Variants in SLX4IP observed in about 807,000 individuals in gnomAD.
SLX4IP encodes SLX4 interacting protein, also known as protein SLX4IP.
SLX4IP carries 34 observed loss-of-function variants against 32.9 expected under a neutral mutation model. The observed-to-expected ratio is 1.03, with a 90% CI of 0.79 to 1.38. The LOEUF (loss-of-function observed/expected upper bound fraction) is 1.38, where lower values mean the gene tolerates loss of function less well. SLX4IP is among the 40% of genes most tolerant of loss of function. The probability of loss-of-function intolerance (pLI) is 0.00; values close to 1 mark genes in which losing one functional copy is unlikely to be tolerated. For missense variants in SLX4IP, 444 were observed against 479.0 expected (o/e 0.93, Z 0.68); for synonymous variants, 172 against 171.7 (o/e 1.00, Z -0.01).
intron 4 of SLX4IP, among the ~76,000 whole-genome samples, chr20:10,597,251 A>T (rs1338686075): frequency 6.6e-6 from 1 of 152,234 alleles, no homozygotes; most frequent in Non-Finnish European, 1.5e-5. Context: ...TGGCCACTCC[A>T]GTTTGACAGA....
At chr20:10,565,763 A>G (rs947017753) in intron 4 of SLX4IP, among the ~76,000 whole-genome samples, 5 of 152,178 alleles carry the variant, frequency 3.3e-5, no homozygotes, top group African/African-American at 1.2e-4. Context: ...CAGTAACAAC[A>G]AGCTATTGCC....
At chr20:10,449,416 C>T (rs2065224916) in intron 1 of SLX4IP, among the ~76,000 whole-genome samples, 1 of 152,148 alleles carries the variant, frequency 6.6e-6, no homozygotes, top group South Asian at 2.1e-4. Context: ...GAACTTGGAC[C>T]TTGGCGTGAG....
At chr20:10,495,523 CTATT>C (rs149587377) in intron 2 of SLX4IP, among the ~76,000 whole-genome samples, 17,147 of 152,132 alleles carry the variant, frequency 0.11, 1,289 homozygotes, top group Non-Finnish European at 0.17. Context: ...GTTAATTTCA[CTATT>C]TATTAATGTT....
chr20:10,573,780 G>A (rs779426271), intron 4 of SLX4IP, among the ~76,000 whole-genome samples: 2 of 152,180 alleles, frequency 1.3e-5, no homozygotes, highest in Non-Finnish European at 2.9e-5. Context: ...CTGTGGAAAC[G>A]TGTTTTCTTT....
At chr20:10,618,185 A>T (rs2067061171) in intron 6 of SLX4IP, among the ~76,000 whole-genome samples, 1 of 152,160 alleles carries the variant, frequency 6.6e-6, no homozygotes, top group Non-Finnish European at 1.5e-5. Context: ...GACTGTCTTC[A>T]TCCTTGGGGT....
Position 10,458,026 on chromosome 20 carries a change from A to G in SLX4IP, c.-29-150A>G, listed in dbSNP as rs144141617. On this transcript the variant is annotated intron_variant, in intron 1 of 7. Coordinates refer to ENST00000334534, the MANE Select transcript of SLX4IP (RefSeq NM_001009608.3). ...GCAGTGCTTAAATTACTAATTTAAT[A>G]TAGTATTTTGGTTAAGGGCAATTAT... 69 of 437,012 alleles carry G rather than the reference A, an allele frequency of 1.6e-4. No individual in the cohort carries two copies. In the East Asian group the frequency reaches 1.9e-3, roughly 12 times the overall value. The allele number at this position is 437,012 out of a possible 1,614,324, so 27.1% of individuals were successfully genotyped here.
At chr20:10,467,673 A>G (rs758837827) in intron 2 of SLX4IP, among the ~76,000 whole-genome samples, 18 of 152,214 alleles carry the variant, frequency 1.2e-4, no homozygotes, top group Non-Finnish European at 1.8e-4. Flanking sequence ...TGGAAGCTGT[A>G]TTTAAGTAAG....
Position 10,465,161 on chromosome 20 carries a change from G to A in SLX4IP, c.27+6930G>A, listed in dbSNP as rs549638354. 2.6e-5 allele frequency among the ~76,000 whole-genome samples: 4 copies of A among 152,234 alleles called. No homozygotes were observed. The East Asian group carries it at 5.8e-4, about 22-fold the overall frequency. ...ACTGAAAGAAGTGGTAGCAGCAGGC[G>A]CATCTCCCCAAGGCTTCATAGCAAT... On this transcript the variant is annotated intron_variant, in intron 2 of 7. Transcript: ENST00000334534.
At chr20:10,552,283 T>C (rs2066225194) in intron 2 of SLX4IP, among the ~76,000 whole-genome samples, 1 of 152,196 alleles carries the variant, frequency 6.6e-6, no homozygotes, top group Admixed American at 6.5e-5. Context: ...ACCATGTTGC[T>C]TCTCTCAGAA....
At chr20:10,556,767 TATC>T (rs1384814666) in intron 3 of SLX4IP, among the ~76,000 whole-genome samples, 1 of 152,216 alleles carries the variant, frequency 6.6e-6, no homozygotes, top group African/African-American at 2.4e-5. Context: ...ATCCTTGTAT[TATC>T]ATGAGCCTTT....
At chr20:10,450,845 G>A (rs536519486) in intron 1 of SLX4IP, among the ~76,000 whole-genome samples, 7 of 151,886 alleles carry the variant, frequency 4.6e-5, no homozygotes, top group African/African-American at 1.7e-4. Context: ...TCCGCCTCCC[G>A]GGTTCACGCC....
At position 10,556,247 on chromosome 20, in the gene SLX4IP, T is replaced by A; in HGVS notation, c.44T>A (p.Val15Asp). Reference sequence around the variant, plus strand: ...GTCTTTCAGTGTGGGAATTTTGCTGTCCTCGTGGATCTTCATATCTTGCCA... The same window carrying A: ...GTCTTTCAGTGTGGGAATTTTGCTGACCTCGTGGATCTTCATATCTTGCCA... ...KFAVKCGNFA[V>D]LVDLHILPQG... The change falls in exon 3 of 8, where the codon GTC (valine) becomes GAC (aspartate). Residue 15 changes from valine (V) to aspartate (D), a missense_variant. Transcript: ENST00000334534. 6.2e-7 allele frequency: 1 copy of A among 1,613,738 alleles called. No individual in the cohort carries two copies. The highest frequency in any genetic ancestry group is 8.5e-7 in the Non-Finnish European group (1 of 1,179,854).
rs556517851 is a variant in SLX4IP at position 10,573,195 on chromosome 20, C to T, written c.238+12375C>T. Among the ~76,000 whole-genome samples the T allele has an allele frequency of 1.4e-4, 22 of 152,330 alleles. No homozygotes were observed. The South Asian group carries it at 2.5e-3, about 17-fold the overall frequency. On this transcript the variant is annotated intron_variant, in intron 4 of 7. Transcript: ENST00000334534. The stretch of plus-strand genomic sequence containing the variant: ...ATTTATTTTCCCAGCCCTTTGAAAA[C>T]AGGGCCTTTTCCTATTTAAAATAAA...
At chr20:10,589,192 T>C (rs2066678569) in intron 4 of SLX4IP, among the ~76,000 whole-genome samples, 1 of 152,158 alleles carries the variant, frequency 6.6e-6, no homozygotes, top group Non-Finnish European at 1.5e-5. Context: ...AACATTTACA[T>C]GACAACACTA....
In SLX4IP at chr20:10,623,630, A is replaced by G. The variant is rs1050638720; in HGVS notation, c.*251A>G. ...GACTGTCTTCAGAGAATTAGTAATG[A>G]CAAAGAGCCATCCACCTTGTCAGGG... On this transcript the variant is annotated 3_prime_UTR_variant, in exon 8 of 8. Transcript: ENST00000334534. The G allele has an allele frequency of 1.9e-6, 1 of 532,132 alleles. No individual in the cohort carries two copies. Among genetic ancestry groups the G allele is most frequent in the Non-Finnish European group, 3.2e-6 (1 of 308,750 alleles). 33.0% of individuals were successfully genotyped at this position (532,132 alleles called of 1,614,324 possible).
chr20:10,617,614 AT>A (rs1049479238), intron 6 of SLX4IP, among the ~76,000 whole-genome samples: 23 of 103,250 alleles, frequency 2.2e-4, no homozygotes, highest in African/African-American at 8.3e-4. Flanking sequence ...CCCAGTATTT[AT>A]TTTTTCTTTC....
chr20:10,602,263 A>T (rs1173086223), intron 6 of SLX4IP, among the ~76,000 whole-genome samples: 4 of 152,064 alleles, frequency 2.6e-5, no homozygotes, highest in Non-Finnish European at 5.9e-5. Flanking sequence ...ATTATTTCAT[A>T]GCTGATAGGG....
intron 2 of SLX4IP, among the ~76,000 whole-genome samples, chr20:10,506,379 C>G (rs535452471): frequency 6.6e-6 from 1 of 152,156 alleles, no homozygotes; most frequent in Admixed American, 6.5e-5. Context: ...TATTGAAAAA[C>G]CCACATTGGA....
At chr20:10,545,093 C>T (rs653692) in intron 2 of SLX4IP, among the ~76,000 whole-genome samples, 88,267 of 151,918 alleles carry the variant, frequency 0.58, 26,173 homozygotes, top group South Asian at 0.75. Flanking sequence ...GATGCTGTGG[C>T]TGCTGGTACT....
Sources: allele counts gnomAD v4.1 joint callset (sites outside exome capture counted in the v4.1 genomes callset), GRCh38; gene constraint gnomAD v4.1.1; transcripts MANE v1.5; gene names NCBI Gene and HGNC (gene_info 2026-07-23, HGNC 2026-07-21).